ZSCAN20: variants seen among roughly 807,000 people sequenced by gnomAD.
ZSCAN20 encodes the protein zinc finger and SCAN domain containing 20, also known as zinc finger and SCAN domain-containing protein 20.
Under a neutral mutation model 97.1 loss-of-function variants are expected in ZSCAN20, and 39 were observed. That is an observed-to-expected ratio of 0.40 (90% CI 0.31 to 0.52). The LOEUF (loss-of-function observed/expected upper bound fraction) is 0.52, where lower values mean the gene tolerates loss of function less well. Among genes scored for constraint, ZSCAN20 ranks in the 20% least tolerant of loss-of-function variants. The pLI is 0.49. For synonymous variants in ZSCAN20, 456 were observed against 467.3 expected (o/e 0.98, Z 0.31); for missense variants, 1,115 against 1,290.4 (o/e 0.86, Z 2.08).
rs765057174 is a variant in ZSCAN20 at position 33,494,245 on chromosome 1, A to G, written c.1901A>G (p.Asp634Gly). The G allele has an allele frequency of 3.2e-6, 5 of 1,582,864 alleles. No homozygotes were observed. Among genetic ancestry groups the G allele is most frequent in the Non-Finnish European group, 3.4e-6 (4 of 1,165,864 alleles). The change falls in exon 8 of 8, where the codon GAC becomes GGC. Residue 634 changes from aspartate to glycine, a missense_variant. Asp to Gly is a moderately conservative substitution (Grantham distance 94). Around this residue, in one of 3 missense-constraint regions of ZSCAN20, gnomAD observed 554 missense variants for 584.9 expected, o/e 0.95. Coordinates refer to ENST00000684572, the MANE Select transcript of ZSCAN20 (RefSeq NM_001377376.1). ...TTTGAAATGAGGCATGAGGATGAAG[A>G]CCAGATTTCAGAGCAGGACATTTTT... ...MGFEMRHEDEDQISEQDIFEG... is the reference protein window; with the variant it reads ...MGFEMRHEDEGQISEQDIFEG...
rs1394704458 is a variant in ZSCAN20, at chr1:33,491,204, G to A, written c.946G>A (p.Val316Met). 1.2e-6 allele frequency: 2 copies of A among 1,614,090 alleles called. No homozygotes were observed. Among genetic ancestry groups the A allele is most frequent in the Middle Eastern group, 1.6e-4 (1 of 6,084 alleles). Reference protein sequence around the residue: ...RAWEEQYQWDVEDMKVSGVHW... With the variant: ...RAWEEQYQWDMEDMKVSGVHW... ...CTGGGAGGAACAATACCAGTGGGAT[G>A]TGGAGGACATGAAGGTGTCAGGTGT... is the stretch of plus-strand genomic sequence containing the variant. The change falls in exon 6 of 8, where the codon GTG becomes ATG. Residue 316 changes from valine (V) to methionine (M), a missense_variant. Transcript: ENST00000684572. The surrounding 1 kb of genome is among the most constrained non-coding windows in gnomAD (Gnocchi z 4.3).
At chr1:33,481,993 C>T (rs1652173258) in intron 2 of ZSCAN20, among the ~76,000 whole-genome samples, 1 of 152,162 alleles carries the variant, frequency 6.6e-6, no homozygotes, top group Non-Finnish European at 1.5e-5. Context: ...CATCCCTGCA[C>T]CAGAGCAATA....
At position 33,493,440 on chromosome 1, in the gene ZSCAN20, C is replaced by T. The variant is rs747890743; in HGVS notation, c.1698C>T (p.Asp566=). 66 of 1,614,112 alleles carry T rather than the reference C, an allele frequency of 4.1e-5. No individual in the cohort carries two copies. The highest frequency in any genetic ancestry group is 5.3e-5 in the Non-Finnish European group (62 of 1,180,052). ...PGTCPFYEEL[D]SLMRARAAVR... is the part of the protein sequence containing the mutation. ...CATGCCCTTTCTATGAGGAACTGGA[C>T]TCGCTGATGAGGGCTCGGGCTGCAG... Residue 566 remains aspartate, a synonymous_variant, in exon 7 of 8, where the codon GAC becomes GAT. Coordinates refer to ENST00000684572, the MANE Select transcript of ZSCAN20 (RefSeq NM_001377376.1). The surrounding 1 kb of genome is among the most constrained non-coding windows in gnomAD (Gnocchi z 4.3).
chr1:33,494,905 A>T lies in ZSCAN20; in HGVS notation c.2561A>T (p.Gln854Leu), dbSNP rs561595627. 1.5e-5 allele frequency: 25 copies of T among 1,614,216 alleles called. No homozygotes were observed. In the Admixed American group the frequency reaches 4.2e-4, roughly 27 times the overall value. ...GAAGAGACAGCTCCTGAACAACCTC[A>T]AAGTATCAGTAAGGACTTGAATTCT... ...STEETAPEQP[Q>L]SISKDLNSPG... The change falls in exon 8 of 8, where the codon CAA becomes CTA. Residue 854 changes from glutamine to leucine, a missense_variant. By Grantham distance (113) the Gln-to-Leu change is moderately radical. Transcript: ENST00000684572.
chr1:33,501,533 G>GTT lies in ZSCAN20; in HGVS notation c.*6058_*6059dup, dbSNP rs1553124192. 1.4e-4 allele frequency among the ~76,000 whole-genome samples: 13 copies of GTT among 92,204 alleles called. No homozygotes were observed. Among genetic ancestry groups the GTT allele is most frequent in the East Asian group, 2.5e-4 (1 of 4,070 alleles). The allele number at this position is 92,204 out of a possible 152,430, so 60.5% of individuals were successfully genotyped here. On this transcript the variant is annotated 3_prime_UTR_variant, in exon 8 of 8. Transcript: ENST00000684572. ...CTTTGCTTTCACTTCCCCATTTTCT[G>GTT]TTATTTTTTTTTTTTTTGTGCTGTT...
At chr1:33,480,950 C>A (rs10914734) in intron 2 of ZSCAN20, among the ~76,000 whole-genome samples, 115,596 of 152,074 alleles carry the variant, frequency 0.76, 44,243 homozygotes, top group African/African-American at 0.81. Context: ...TTACTTACCC[C>A]CATTTTGCTG....
rs997980660 is a variant in ZSCAN20 at position 33,489,573 on chromosome 1, G to T, written c.737G>T (p.Gly246Val). The change falls in exon 5 of 8, where the codon GGA becomes GTA. Residue 246 changes from glycine (G) to valine (V), a missense_variant. Physicochemically the swap from Gly to Val is moderately radical, Grantham distance 109. Transcript: ENST00000684572. ...AAGGAGCTCTGTAAAGACCCCCCAG[G>T]AGACGACTGTGGGAACAGCGTGTGC... ...AEKELCKDPP[G>V]DDCGNSVCLG... 13 of 1,614,036 alleles carry T rather than the reference G, an allele frequency of 8.1e-6. No individual in the cohort carries two copies. The highest frequency in any genetic ancestry group is 1.1e-5 in the Non-Finnish European group (13 of 1,180,026).
chr1:33,489,255 T>TTCC (rs1652500058), intron 4 of ZSCAN20, 64 bp downstream of exon 4: 4 of 1,518,510 alleles, frequency 2.6e-6, no homozygotes. Context: ...CCCCACAGTG[T>TTCC]TCCTCCTCTC....
In ZSCAN20 at chr1:33,493,517, A is replaced by G; in HGVS notation, c.1775A>G (p.Gln592Arg). ...REAAGLPRCGQSSAETDAQEA... is the reference protein window; with the variant it reads ...REAAGLPRCGRSSAETDAQEA... ...GCTGCAGGTCTCCCTAGGTGTGGGC[A>G]GAGTAGTGCTGAGACTGATGCCCAG... Residue 592 changes from glutamine to arginine, a missense_variant, in exon 7 of 8, where the codon CAG becomes CGG. Gln to Arg is a conservative substitution (Grantham distance 43). Transcript: ENST00000684572. The surrounding 1 kb of genome is among the most constrained non-coding windows in gnomAD (Gnocchi z 4.3). The G allele has an allele frequency of 1.2e-6, 2 of 1,614,106 alleles. No homozygotes were observed. Among genetic ancestry groups the G allele is most frequent in the East Asian group, 2.2e-5 (1 of 44,872 alleles).
intron 2 of ZSCAN20, among the ~76,000 whole-genome samples, chr1:33,487,532 T>G (rs1031217130): frequency 2.0e-5 from 3 of 152,170 alleles, no homozygotes; most frequent in Non-Finnish European, 4.4e-5. Flanking sequence ...AATCCAACAT[T>G]GAAATGAAAA....
In ZSCAN20 at chr1:33,479,226, C is replaced by T. The variant is rs927959954; in HGVS notation, c.-63C>T. The stretch of plus-strand genomic sequence containing the variant: ...TCTAGGAGCCTCTTGAAGGACTCAC[C>T]GTAGATGCAGGAAGACATTGGATGA... On this transcript the variant is annotated 5_prime_UTR_variant, in exon 2 of 8. Coordinates refer to ENST00000684572, the MANE Select transcript of ZSCAN20 (RefSeq NM_001377376.1). The T allele has an allele frequency of 9.3e-6, 14 of 1,510,996 alleles. No individual in the cohort carries two copies. The highest frequency in any genetic ancestry group is 1.8e-4 in the Middle Eastern group (1 of 5,610). 93.6% of individuals were successfully genotyped at this position (1,510,996 alleles called of 1,614,324 possible). A position where few individuals can be genotyped will look rare whatever the true frequency, so the allele number is the denominator to read the frequency against.
intron 2 of ZSCAN20, among the ~76,000 whole-genome samples, chr1:33,483,821 C>A (rs1652246766): frequency 6.6e-6 from 1 of 152,108 alleles, no homozygotes; most frequent in Admixed American, 6.5e-5. Context: ...CTACAGTGAG[C>A]CTTTCTATCT....
rs1565787 is a variant in ZSCAN20, at chr1:33,500,511, A to C, written c.*5035A>C. On this transcript the variant is annotated 3_prime_UTR_variant, in exon 8 of 8. Transcript: ENST00000684572. ...GCATTAGAAGAGTAAAAAGAAGAAT[A>C]CAATTAGATAATTTTACCTAAACAT... is the stretch of plus-strand genomic sequence containing the variant. Among the ~76,000 whole-genome samples, 116,785 of 151,938 alleles carry C rather than the reference A, an allele frequency of 0.77. 45,224 individuals carry two copies. The highest frequency in any genetic ancestry group is 0.82 in the African/African-American group (34,126 of 41,452).
At chr1:33,483,225 T>G (rs1216472226) in intron 2 of ZSCAN20, among the ~76,000 whole-genome samples, 1 of 149,724 alleles carries the variant, frequency 6.7e-6, no homozygotes, top group Non-Finnish European at 1.5e-5. Flanking sequence ...CCATTTTGAG[T>G]TGATTTTTGT....
Position 33,494,484 on chromosome 1 carries a change from A to G in ZSCAN20, c.2140A>G (p.Thr714Ala). 1 of 1,614,230 alleles carries G rather than the reference A, an allele frequency of 6.2e-7. No individual in the cohort carries two copies. Among genetic ancestry groups the G allele is most frequent in the South Asian group, 1.1e-5 (1 of 91,090 alleles). ...TGCAGAGAAACCCTACAAGTGTGAC[A>G]CATGCATGAAGAGCTTCAGTCGGAG... ...YLAEKPYKCD[T>A]CMKSFSRSSH... The change falls in exon 8 of 8, where the codon ACA (threonine) becomes GCA (alanine). Residue 714 changes from threonine to alanine, a missense_variant. By Grantham distance (58) the Thr-to-Ala change is moderately conservative (BLOSUM62 0). Coordinates refer to ENST00000684572, the MANE Select transcript of ZSCAN20 (RefSeq NM_001377376.1).
intron 2 of ZSCAN20, among the ~76,000 whole-genome samples, chr1:33,481,644 A>G (rs921323633): frequency 1.3e-5 from 2 of 152,052 alleles, no homozygotes; most frequent in Middle Eastern, 3.2e-3. Context: ...TGCAAGTAAA[A>G]TTTTTCAAGT....
At chr1:33,480,904 T>C (rs1177791600) in intron 2 of ZSCAN20, among the ~76,000 whole-genome samples, 1 of 152,224 alleles carries the variant, frequency 6.6e-6, no homozygotes, top group Non-Finnish European at 1.5e-5. Flanking sequence ...CATGACTTTT[T>C]CTCTACTTGT....
At position 33,495,193 on chromosome 1, in the gene ZSCAN20, A is replaced by G. The variant is rs1652811200; in HGVS notation, c.2849A>G (p.Gln950Arg). The change falls in exon 8 of 8, where the codon CAG (glutamine) becomes CGG (arginine). Residue 950 changes from glutamine to arginine, a missense_variant. This residue lies in a region of ZSCAN20 where 554 missense variants were observed against 584.9 expected (regional missense o/e 0.95). Transcript: ENST00000684572. ...GAGCGCTCCAAGCTCATCACACACC[A>G]GAGAGTGCACACAGGAGAGAAGCCC... ...FSERSKLITH[Q>R]RVHTGEKPYK... 4 of 1,614,146 alleles carry G rather than the reference A, an allele frequency of 2.5e-6. No individual in the cohort carries two copies. The highest frequency in any genetic ancestry group is 8.5e-7 in the Non-Finnish European group (1 of 1,180,004).
rs775735651 is a variant in ZSCAN20, at chr1:33,493,353, C to T, written c.1611C>T (p.Arg537=). 2.0e-5 allele frequency: 33 copies of T among 1,614,064 alleles called. No individual in the cohort carries two copies. The highest frequency in any genetic ancestry group is 2.3e-5 in the Non-Finnish European group (27 of 1,180,036). ...LGFLRTLEQC[R]YRFKNLLRSY... ...TCCTGCGGACACTGGAGCAGTGTCG[C>T]TACAGATTCAAAAACCTCCTTCGAA... The change falls in exon 7 of 8, where the codon CGC becomes CGT. Residue 537 remains arginine (R), a synonymous_variant. Coordinates refer to ENST00000684572, the MANE Select transcript of ZSCAN20 (RefSeq NM_001377376.1). The surrounding 1 kb of genome is among the most constrained non-coding windows in gnomAD (Gnocchi z 4.3).
Sources: gnomAD v4.1 joint callset for allele counts (sites outside exome capture counted in the v4.1 genomes callset) on GRCh38, gnomAD v4.1.1 for gene constraint, gnomAD v4.1.1 regional missense constraint, Gnocchi (gnomAD v3.1) non-coding constraint, MANE v1.5 for transcripts, NCBI Gene and HGNC (gene_info 2026-07-23, HGNC 2026-07-21) for gene names.